TCF12: variants seen among roughly 807,000 people sequenced by gnomAD.
The protein encoded by TCF12 is DNA-binding protein HTF4.
Under a neutral mutation model 86.0 loss-of-function variants are expected in TCF12, and 45 were observed. The ratio of observed to expected loss-of-function variants is 0.52; its 90% confidence interval spans 0.41 to 0.67. The LOEUF is 0.67. Among genes scored for constraint, TCF12 ranks in the 30% least tolerant of loss-of-function variants. The pLI, the probability that TCF12 is intolerant of heterozygous loss-of-function variation, is 0.00. For missense variants in TCF12, 881 were observed against 859.9 expected (o/e 1.02, Z -0.31); for synonymous variants, 330 against 299.6 (o/e 1.10, Z -1.05).
At chr15:57,200,750 A>G (rs1412929622) in intron 8 of TCF12, among the ~76,000 whole-genome samples, 2 of 152,224 alleles carry the variant, frequency 1.3e-5, no homozygotes, top group South Asian at 4.1e-4. Flanking sequence ...TTTTATATTT[A>G]GGTATCATAA....
At chr15:56,920,401 A>G (rs1438426864) in intron 2 of TCF12, among the ~76,000 whole-genome samples, 2 of 152,042 alleles carry the variant, frequency 1.3e-5, no homozygotes, top group Non-Finnish European at 2.9e-5. Flanking sequence ...ATGGTACCTG[A>G]AAGATGTCAG....
At chr15:57,247,723 T>A (rs1198251429) in intron 13 of TCF12, 4 of 732,454 alleles carry the variant, frequency 5.5e-6, no homozygotes, top group Non-Finnish European at 9.9e-6. Flanking sequence ...TAGAAAGAGC[T>A]CTCTTTGGTT....
intron 3 of TCF12, among the ~76,000 whole-genome samples, chr15:56,952,222 G>A (rs368225553): frequency 1.3e-5 from 2 of 151,418 alleles, no homozygotes; most frequent in Middle Eastern, 3.4e-3. Flanking sequence ...ACATGTGTAT[G>A]TTTTTCTGTA....
intron 6 of TCF12, among the ~76,000 whole-genome samples, chr15:57,191,428 A>G (rs1483296644): frequency 2.0e-5 from 3 of 152,212 alleles, no homozygotes; most frequent in Non-Finnish European, 4.4e-5. Context: ...GTGCCCCTGC[A>G]TTCCAGCCTG....
At chr15:57,159,142 T>A (rs1293761812) in intron 5 of TCF12, among the ~76,000 whole-genome samples, 1 of 152,216 alleles carries the variant, frequency 6.6e-6, no homozygotes, top group Non-Finnish European at 1.5e-5. Context: ...CTGTGCAGGG[T>A]CTGTGTGAGG....
At chr15:57,064,113 T>C (rs1380328067) in intron 4 of TCF12, among the ~76,000 whole-genome samples, 2 of 152,194 alleles carry the variant, frequency 1.3e-5, no homozygotes, top group Non-Finnish European at 2.9e-5. Context: ...TATTTAGCCA[T>C]TTTTCTTTAT....
intron 5 of TCF12, among the ~76,000 whole-genome samples, chr15:57,162,313 A>G (rs377040992): frequency 2.0e-5 from 3 of 152,294 alleles, no homozygotes. Flanking sequence ...GAGATAAAAG[A>G]AAGATAATGT....
chr15:57,253,233 C>T, intron 15 of TCF12, 29 bp from the exon 16 acceptor site: 2 of 1,610,198 alleles, frequency 1.2e-6, no homozygotes, highest in Non-Finnish European at 1.7e-6. Flanking sequence ...CCAGCAATAA[C>T]CACCATGTTT....
At chr15:57,041,191 CA>C (rs1253274304) in intron 3 of TCF12, among the ~76,000 whole-genome samples, 38 of 152,186 alleles carry the variant, frequency 2.5e-4, no homozygotes, top group African/African-American at 9.1e-4. Context: ...CAGAAAAGTA[CA>C]ATAAAGATTA....
At chr15:56,951,523 G>A (rs991704272) in intron 3 of TCF12, among the ~76,000 whole-genome samples, 8 of 152,100 alleles carry the variant, frequency 5.3e-5, no homozygotes, top group African/African-American at 1.9e-4. Context: ...AGTGTCTTTT[G>A]AGGAGCAGAA....
At chr15:56,975,282 G>A (rs1031170582) in intron 3 of TCF12, among the ~76,000 whole-genome samples, 2 of 152,082 alleles carry the variant, frequency 1.3e-5, no homozygotes, top group African/African-American at 4.8e-5. Flanking sequence ...TAATCAAAAT[G>A]CTTTTATCTG....
intron 3 of TCF12, among the ~76,000 whole-genome samples, chr15:56,955,981 A>G (rs2061491452): frequency 6.6e-6 from 1 of 152,132 alleles, no homozygotes; most frequent in Non-Finnish European, 1.5e-5. Context: ...TTATCATTAT[A>G]AAATGACCCC....
At chr15:56,972,093 C>A (rs2140759080) in intron 3 of TCF12, among the ~76,000 whole-genome samples, 1 of 152,206 alleles carries the variant, frequency 6.6e-6, no homozygotes, top group African/African-American at 2.4e-5. Context: ...CTCAATAAAG[C>A]TGTTATAAAA....
At chr15:57,023,763 T>C (rs932173131) in intron 3 of TCF12, among the ~76,000 whole-genome samples, 7 of 152,176 alleles carry the variant, frequency 4.6e-5, no homozygotes, top group African/African-American at 1.7e-4. Context: ...ACATTAGTTT[T>C]TGTTATAGTT....
intron 3 of TCF12, among the ~76,000 whole-genome samples, chr15:56,933,362 G>C (rs1369897308): frequency 7.2e-5 from 11 of 152,108 alleles, no homozygotes; most frequent in Admixed American, 5.9e-4. Context: ...AGTAGATTGG[G>C]CTGTTGTTTT....
chr15:57,027,500 T>C (rs1177886945), intron 3 of TCF12, among the ~76,000 whole-genome samples: 1 of 152,214 alleles, frequency 6.6e-6, no homozygotes, highest in African/African-American at 2.4e-5. Context: ...TTTTAAGCTA[T>C]TATGAATAAA....
intron 5 of TCF12, among the ~76,000 whole-genome samples, chr15:57,098,997 A>C (rs569857204): frequency 1.3e-5 from 2 of 151,976 alleles, no homozygotes; most frequent in Non-Finnish European, 2.9e-5. Flanking sequence ...TAGCTCCCTC[A>C]CTCCAGTATT....
chr15:57,247,119 C>A, intron 13 of TCF12: 1 of 573,914 alleles, frequency 1.7e-6, no homozygotes, highest in Non-Finnish European at 3.3e-6. Flanking sequence ...GTAGTTACCA[C>A]CGCCAAAATT....
intron 8 of TCF12, among the ~76,000 whole-genome samples, chr15:57,212,973 ACTTC>A (rs2058176700): frequency 6.6e-6 from 1 of 152,204 alleles, no homozygotes; most frequent in African/African-American, 2.4e-5. Flanking sequence ...TAGGGAGAAT[ACTTC>A]TGCCCTACTG....
Sources: gnomAD v4.1 joint callset for allele counts (sites outside exome capture counted in the v4.1 genomes callset) on GRCh38, gnomAD v4.1.1 for gene constraint, MANE v1.5 for transcripts, NCBI Gene and HGNC (gene_info 2026-07-23, HGNC 2026-07-21) for gene names.